SEM1: variants seen among roughly 807,000 people sequenced by gnomAD.
The protein encoded by SEM1 is SEM1 26S proteasome subunit, also known as 26S proteasome complex subunit SEM1.
SEM1 carries 3 observed loss-of-function variants against 12.7 expected under a neutral mutation model. The observed-to-expected ratio is 0.24, with a 90% confidence interval of 0.11 to 0.61. The LOEUF (loss-of-function observed/expected upper bound fraction) is 0.61. Among genes scored for constraint, SEM1 ranks in the 20% least tolerant of loss-of-function variants. SEM1 has a pLI of 0.88. For synonymous variants in SEM1, 30 were observed against 27.8 expected (o/e 1.08, Z -0.25); for missense variants, 59 against 81.3 (o/e 0.73, Z 1.06).
At chr7:96,676,202 C>T (rs1281245467) in intron 2 of SEM1, among the ~76,000 whole-genome samples, 1 of 152,192 alleles carries the variant, frequency 6.6e-6, no homozygotes, top group East Asian at 1.9e-4. Flanking sequence ...ACCCATACAT[C>T]CCCATTTTCC....
chr7:96,513,491 G>A (rs1803994110), intron 2 of SEM1, among the ~76,000 whole-genome samples: 1 of 152,056 alleles, frequency 6.6e-6, no homozygotes, highest in Non-Finnish European at 1.5e-5. Context: ...AGCATTAGGG[G>A]GTTGATATGT....
intron 2 of SEM1, among the ~76,000 whole-genome samples, chr7:96,566,532 A>G (rs778773848): frequency 2.6e-5 from 4 of 151,634 alleles, no homozygotes; most frequent in Non-Finnish European, 5.9e-5. Flanking sequence ...AACTCTTCAT[A>G]TAATAAGAAA....
intron 2 of SEM1, among the ~76,000 whole-genome samples, chr7:96,515,756 G>T (rs575454564): frequency 6.6e-6 from 1 of 152,088 alleles, no homozygotes. Context: ...AACCATCATT[G>T]TAAGCAAACT....
intron 2 of SEM1, among the ~76,000 whole-genome samples, chr7:96,583,776 C>A (rs1806503257): frequency 6.6e-6 from 1 of 150,512 alleles, no homozygotes; most frequent in African/African-American, 2.4e-5. Flanking sequence ...TCTGTTTTAT[C>A]CGAGACTAGG....
intron 2 of SEM1, among the ~76,000 whole-genome samples, chr7:96,581,481 A>T (rs911444763): frequency 6.6e-6 from 1 of 151,872 alleles, no homozygotes; most frequent in African/African-American, 2.4e-5. Context: ...TATGAACTTT[A>T]AAGTAGTTTT....
intron 1 of SEM1, chr7:96,695,894 T>C (rs968314884): frequency 6.6e-6 from 1 of 151,880 alleles, no homozygotes; most frequent in Admixed American, 6.6e-5. Flanking sequence ...AAAATAATAT[T>C]TTACACTTTT....
At chr7:96,614,585 C>A (rs1443024185) in intron 2 of SEM1, among the ~76,000 whole-genome samples, 3 of 152,218 alleles carry the variant, frequency 2.0e-5, no homozygotes, top group Admixed American at 1.3e-4. Context: ...ACAGTAGTAT[C>A]AGTTTATTCA....
intron 2 of SEM1, chr7:96,664,467 G>A (rs1390559633): frequency 2.0e-5 from 3 of 152,230 alleles, no homozygotes; most frequent in African/African-American, 7.2e-5. Flanking sequence ...GACAGGTTGA[G>A]AAGTTCTCGA....
chr7:96,562,261 A>G (rs1340775934), intron 2 of SEM1, among the ~76,000 whole-genome samples: 1 of 152,188 alleles, frequency 6.6e-6, no homozygotes. Context: ...AGGTTGACTA[A>G]CCTTTGTTGG....
downstream of SEM1, among the ~76,000 whole-genome samples, chr7:96,686,524 A>C (rs531204642): frequency 4.1e-4 from 63 of 152,252 alleles, no homozygotes; most frequent in Middle Eastern, 3.4e-3. Context: ...CCACAGACCA[A>C]AATATTGAGA....
intron 1 of SEM1, among the ~76,000 whole-genome samples, chr7:96,493,403 T>C (rs1803106969): frequency 6.6e-6 from 1 of 152,188 alleles, no homozygotes; most frequent in African/African-American, 2.4e-5. Context: ...CTTTCCAAGC[T>C]TGAGATCAAG....
upstream of SEM1, among the ~76,000 whole-genome samples, chr7:96,497,079 GTAA>G (rs1803313888): frequency 6.6e-6 from 1 of 151,772 alleles, no homozygotes; most frequent in Non-Finnish European, 1.5e-5. Context: ...GTTGAACAAT[GTAA>G]TAATGCTTAA....
downstream of SEM1, among the ~76,000 whole-genome samples, chr7:96,620,751 G>A (rs1256442494): frequency 6.6e-6 from 1 of 152,112 alleles, no homozygotes; most frequent in Non-Finnish European, 1.5e-5. Context: ...CATGGAGGGC[G>A]CATGTACTCC....
chr7:96,520,520 TA>T (rs1804235240), intron 2 of SEM1, among the ~76,000 whole-genome samples: 1 of 152,198 alleles, frequency 6.6e-6, no homozygotes, highest in East Asian at 1.9e-4. Context: ...CACCTGAAAA[TA>T]ATCTGCATTT....
At chr7:96,694,661 T>C (rs929701466) in intron 2 of SEM1, 137 bp downstream of exon 2, 36 of 474,810 alleles carry the variant, frequency 7.6e-5, no homozygotes, top group African/African-American at 6.9e-4. Context: ...ATGAAGACAA[T>C]ATGTCTTACT....
intron 2 of SEM1, among the ~76,000 whole-genome samples, chr7:96,636,333 A>AT (rs11380524): frequency 6.6e-6 from 1 of 151,710 alleles, no homozygotes; most frequent in Non-Finnish European, 1.5e-5. Flanking sequence ...AAATAACTTG[A>AT]AAAGGGAAGG....
rs1208354647 is a variant in SEM1, at chr7:96,581,188, C to T, written c.171-74490G>A. ...GGATCCAGTTTCAGCTTTCTACATA[C>T]AGCTAGCCAGTTTTCCCAGCACCAT... On this transcript the variant is annotated intron_variant and NMD_transcript_variant, in intron 2 of 3. Coordinates refer to the SEM1 transcript ENST00000466986. Among the ~76,000 whole-genome samples, 547 of 152,078 alleles carry T rather than the reference C, an allele frequency of 3.6e-3. 1 individual carries two copies. Among genetic ancestry groups the T allele is most frequent in the Non-Finnish European group, 6.0e-3 (408 of 67,916 alleles).
chr7:96,548,264 G>T (rs1298152634), intron 2 of SEM1, among the ~76,000 whole-genome samples: 7 of 152,084 alleles, frequency 4.6e-5, no homozygotes, highest in Non-Finnish European at 1.0e-4. Context: ...TTCTCCAGGA[G>T]ACCTAGAGCA....
At chr7:96,599,488 T>C (rs1807122661) in intron 2 of SEM1, among the ~76,000 whole-genome samples, 1 of 152,208 alleles carries the variant, frequency 6.6e-6, no homozygotes, top group South Asian at 2.1e-4. Flanking sequence ...CAAGGATACC[T>C]AACAAATATT....
Sources: allele counts gnomAD v4.1 joint callset (sites outside exome capture counted in the v4.1 genomes callset), GRCh38; gene constraint gnomAD v4.1.1; transcripts MANE v1.5; gene names NCBI Gene and HGNC (gene_info 2026-07-23, HGNC 2026-07-21).